The following KLHL32 variants were observed in gnomAD, a reference collection of about 807,000 sequenced individuals.
KLHL32 encodes kelch like family member 32, also known as kelch-like protein 32.
KLHL32 carries 35 observed loss-of-function variants against 64.8 expected under a neutral mutation model. The observed-to-expected ratio is 0.54, with a 90% CI of 0.41 to 0.72. The LOEUF (loss-of-function observed/expected upper bound fraction) is 0.72, where lower values mean the gene tolerates loss of function less well. Among genes scored for constraint, KLHL32 ranks in the 30% least tolerant of loss-of-function variants. KLHL32 has a pLI of 0.00. For synonymous variants in KLHL32, 259 were observed against 281.0 expected (o/e 0.92, Z 0.78); for missense variants, 589 against 768.5 (o/e 0.77, Z 2.76).
intron 6 of KLHL32, among the ~76,000 whole-genome samples, chr6:97,112,552 T>G (rs914144254): frequency 1.3e-5 from 2 of 151,966 alleles, no homozygotes; most frequent in Non-Finnish European, 2.9e-5. Flanking sequence ...GTTCAAGCAA[T>G]TCTCCTGCCT....
At chr6:97,059,579 C>T (rs1363891399) in intron 4 of KLHL32, among the ~76,000 whole-genome samples, 2 of 152,172 alleles carry the variant, frequency 1.3e-5, no homozygotes, top group Non-Finnish European at 2.9e-5. Context: ...AAATAAACTT[C>T]AGATGTCAGA....
At chr6:97,014,166 C>T (rs1780796605) in intron 3 of KLHL32, among the ~76,000 whole-genome samples, 1 of 151,924 alleles carries the variant, frequency 6.6e-6, no homozygotes, top group South Asian at 2.1e-4. Context: ...TTGTGGTGGG[C>T]GCCTGTAGTC....
At chr6:96,919,005 C>G in the KLHL32 span, among the ~76,000 whole-genome samples, 1 of 152,122 alleles carries the variant, frequency 6.6e-6, no homozygotes, top group Non-Finnish European at 1.5e-5. Context: ...AGTCCTCCTT[C>G]CCCATTTCAC....
chr6:97,103,213 CTTTTTT>C (rs5878463), intron 6 of KLHL32, among the ~76,000 whole-genome samples: 1 of 121,410 alleles, frequency 8.2e-6, no homozygotes, highest in Non-Finnish European at 1.7e-5. Flanking sequence ...TTGAATTTAT[CTTTTTT>C]TTTTTTTTTT....
chr6:96,983,144 G>T (rs528499135), intron 3 of KLHL32, among the ~76,000 whole-genome samples: 2 of 152,348 alleles, frequency 1.3e-5, no homozygotes, highest in South Asian at 2.1e-4. Flanking sequence ...TAATCATGTG[G>T]TTTTTGTCAT....
chr6:97,042,860 G>A (rs1285568972), intron 4 of KLHL32, among the ~76,000 whole-genome samples: 2 of 152,172 alleles, frequency 1.3e-5, no homozygotes, highest in African/African-American at 4.8e-5. Context: ...CCCCAGTGTT[G>A]GAGGTCGGGT....
chr6:97,028,033 C>G (rs1199691527), intron 3 of KLHL32, among the ~76,000 whole-genome samples: 1 of 152,130 alleles, frequency 6.6e-6, no homozygotes, highest in Non-Finnish European at 1.5e-5. Context: ...CAAGGGACAG[C>G]CTGTCATGAA....
intron 5 of KLHL32, among the ~76,000 whole-genome samples, chr6:97,075,400 TTTGA>T (rs1466698619): frequency 1.3e-5 from 2 of 152,100 alleles, no homozygotes; most frequent in African/African-American, 4.8e-5. Context: ...CATATCTGAG[TTTGA>T]TTATTTTATC....
chr6:96,928,753 T>C (rs1310929434), intron 1 of KLHL32, among the ~76,000 whole-genome samples: 2 of 152,152 alleles, frequency 1.3e-5, no homozygotes, highest in Non-Finnish European at 2.9e-5. Flanking sequence ...AATATATGGA[T>C]TTTCAAAAAT....
At chr6:96,929,402 CTA>C (rs1365281003) in intron 1 of KLHL32, among the ~76,000 whole-genome samples, 1 of 152,200 alleles carries the variant, frequency 6.6e-6, no homozygotes, top group South Asian at 2.1e-4. Flanking sequence ...ATAGATGTGG[CTA>C]TGTCTCTGTG....
At chr6:96,924,043 C>T (rs771708935), upstream of KLHL32, among the ~76,000 whole-genome samples, 10 of 152,036 alleles carry the variant, frequency 6.6e-5, no homozygotes, top group East Asian at 1.9e-4. Context: ...AGTAATCACA[C>T]CCTTTCTCAT....
At chr6:96,974,449 C>T (rs1254948314) in intron 2 of KLHL32, among the ~76,000 whole-genome samples, 8 of 152,132 alleles carry the variant, frequency 5.3e-5, no homozygotes, top group Non-Finnish European at 4.4e-5. Flanking sequence ...TTTTTAATTA[C>T]TGATTTTAAA....
intron 5 of KLHL32, among the ~76,000 whole-genome samples, chr6:97,072,581 A>G (rs1237021958): frequency 6.7e-6 from 1 of 148,314 alleles, no homozygotes; most frequent in Non-Finnish European, 1.5e-5. Flanking sequence ...TTTTTTGACA[A>G]TTTACTACCC....
At position 97,091,629 on chromosome 6, in the gene KLHL32, C is replaced by T. The variant is rs542682168; in HGVS notation, c.627+6288C>T. On this transcript the variant is annotated intron_variant, in intron 6 of 10. Coordinates refer to ENST00000369261, the MANE Select transcript of KLHL32 (RefSeq NM_052904.4). ...ATGATTTCTTTGCCAAGTTGGGGCA[C>T]GTTGAAATGATATGGGTACAATGGA... Among the ~76,000 whole-genome samples the T allele has an allele frequency of 1.2e-4, 18 of 152,308 alleles. 1 individual carries two copies. In the South Asian group the frequency reaches 2.9e-3, roughly 25 times the overall value.
intron 2 of KLHL32, 56 bp from the exon 3 acceptor site, chr6:96,975,941 C>T: frequency 2.9e-6 from 4 of 1,402,378 alleles, no homozygotes. Context: ...GAGAGAGCAG[C>T]TGGCCCACAG....
At chr6:97,001,195 T>G (rs1480932608) in intron 3 of KLHL32, among the ~76,000 whole-genome samples, 1 of 152,178 alleles carries the variant, frequency 6.6e-6, no homozygotes, top group Admixed American at 6.5e-5. Flanking sequence ...AATAATGATG[T>G]GTAAATGTTG....
At chr6:96,997,742 A>G (rs6920385) in intron 3 of KLHL32, among the ~76,000 whole-genome samples, 37,150 of 151,942 alleles carry the variant, frequency 0.24, 5,865 homozygotes, top group East Asian at 0.53. Context: ...CATGCCAACA[A>G]CAACAAAAAA....
chr6:96,985,305 T>G (rs112698391), intron 3 of KLHL32, among the ~76,000 whole-genome samples: 1,683 of 152,310 alleles, frequency 0.011, 40 homozygotes, highest in African/African-American at 0.039. Flanking sequence ...GCCCTTATCA[T>G]TTTTTCCTTC....
At chr6:97,066,253 G>A (rs187372602) in intron 5 of KLHL32, among the ~76,000 whole-genome samples, 75 of 152,298 alleles carry the variant, frequency 4.9e-4, no homozygotes, top group African/African-American at 1.8e-3. Flanking sequence ...GACACAGTTT[G>A]GTTAGAGCGT....
Sources: gnomAD v4.1 joint callset for allele counts (sites outside exome capture counted in the v4.1 genomes callset) on GRCh38, gnomAD v4.1.1 for gene constraint, MANE v1.5 for transcripts, NCBI Gene and HGNC (gene_info 2026-07-23, HGNC 2026-07-21) for gene names.